The following ZNF618 variants were observed in gnomAD, a reference collection of about 807,000 sequenced individuals.
ZNF618 encodes neural precursor cell expressed, developmentally down-regulated 10.
Under a neutral mutation model 103.0 loss-of-function variants are expected in ZNF618, and 34 were observed. That is an observed-to-expected ratio of 0.33 (90% CI 0.25 to 0.44). The LOEUF (loss-of-function observed/expected upper bound fraction) is 0.44, where lower values mean the gene tolerates loss of function less well. Ranked by LOEUF, ZNF618 falls within the 20% of genes least tolerant of loss-of-function variation. ZNF618 has a pLI of 1.00. For missense variants in ZNF618, 1,059 were observed against 1,295.4 expected, an observed-to-expected ratio of 0.82 and a Z score of 2.80; for synonymous variants, 551 against 542.2, an observed-to-expected ratio of 1.02 and a Z score of -0.23.
At chr9:114,028,489 T>G (rs192970223) in intron 10 of ZNF618, 20 of 585,914 alleles carry the variant, frequency 3.4e-5, no homozygotes, top group African/African-American at 3.3e-4. Context: ...GGTCAAGGGT[T>G]ATGGGTGACC....
chr9:113,923,504 A>G (rs1385072806), intron 1 of ZNF618, among the ~76,000 whole-genome samples: 1 of 152,074 alleles, frequency 6.6e-6, no homozygotes, highest in Non-Finnish European at 1.5e-5. Flanking sequence ...ATTATGAATG[A>G]GTGTCAAATC....
In ZNF618 at chr9:114,049,037, T is replaced by C. The variant is rs1169100579; in HGVS notation, c.1735T>C (p.Tyr579His). The change falls in exon 15 of 15, where the codon TAT becomes CAT. Residue 579 changes from tyrosine (Y) to histidine (H), a missense_variant. Tyr to His is a moderately conservative substitution (Grantham distance 83). This residue lies in a region of ZNF618 where 272 missense variants were observed against 380.1 expected (regional missense o/e 0.72). Coordinates refer to ENST00000374126, the MANE Select transcript of ZNF618 (RefSeq NM_001318042.2). ...GGCCGAGGGCAACCACATCAAGAGC[T>C]ATGTGCTTGGTGTGAAGGGTGCGGA... ...YQAEGNHIKSYVLGVKGADIR... is the reference protein window; with the variant it reads ...YQAEGNHIKSHVLGVKGADIR... 6.2e-7 allele frequency: 1 copy of C among 1,613,708 alleles called. No individual in the cohort carries two copies. Among genetic ancestry groups the C allele is most frequent in the Non-Finnish European group, 8.5e-7 (1 of 1,179,718 alleles).
At chr9:114,006,364 G>A (rs1355156723) in intron 6 of ZNF618, among the ~76,000 whole-genome samples, 1 of 152,220 alleles carries the variant, frequency 6.6e-6, no homozygotes, top group African/African-American at 2.4e-5. Flanking sequence ...ACACCGGGCA[G>A]CCTTGAGCAT....
intron 1 of ZNF618, among the ~76,000 whole-genome samples, chr9:113,905,569 A>AGGTC (rs1219105557): frequency 6.6e-6 from 1 of 152,258 alleles, no homozygotes; most frequent in Non-Finnish European, 1.5e-5. Context: ...AAAAGCCTGT[A>AGGTC]GACCAGGAGT....
At chr9:113,937,199 C>T (rs368976392) in intron 1 of ZNF618, among the ~76,000 whole-genome samples, 4 of 152,280 alleles carry the variant, frequency 2.6e-5, no homozygotes, top group African/African-American at 9.6e-5. Flanking sequence ...CACCCACATT[C>T]CTCAAATGTT....
chr9:114,001,008 G>A (rs956609972), intron 4 of ZNF618, among the ~76,000 whole-genome samples: 4 of 135,036 alleles, frequency 3.0e-5, no homozygotes, highest in Non-Finnish European at 5.3e-5. Flanking sequence ...ATTTGTCCAC[G>A]CTCCCTGGCT....
chr9:113,952,387 A>AT (rs1302407351), intron 1 of ZNF618, among the ~76,000 whole-genome samples: 3 of 151,952 alleles, frequency 2.0e-5, no homozygotes, highest in Non-Finnish European at 2.9e-5. Flanking sequence ...AAAATGATTG[A>AT]TTTTTTTCCC....
In ZNF618 at chr9:114,033,678, C is replaced by T. The variant is rs4979330; in HGVS notation, c.1168+950C>T. Among the ~76,000 whole-genome samples, 1,278 of 152,182 alleles carry T rather than the reference C, an allele frequency of 8.4e-3. 53 individuals carry two copies. Among genetic ancestry groups the T allele is most frequent in the Admixed American group, 0.072 (1,097 of 15,298 alleles). ...TGGCTGGTCACCAGCAGCCTCTGTC[C>T]GAGCAGGGCACAGCAAGCTGTTCTG... On this transcript the variant is annotated intron_variant, in intron 12 of 14. Coordinates refer to ENST00000374126, the MANE Select transcript of ZNF618 (RefSeq NM_001318042.2).
At chr9:113,993,245 G>T (rs7036206) in intron 3 of ZNF618, among the ~76,000 whole-genome samples, 98,155 of 151,588 alleles carry the variant, frequency 0.65, 32,188 homozygotes, top group Middle Eastern at 0.76. Flanking sequence ...GCCTCCTGAG[G>T]ACTTCGCTCA....
In ZNF618 at chr9:114,054,558, T is replaced by G. The variant is rs1846343032; in HGVS notation, c.*4391T>G. On this transcript the variant is annotated 3_prime_UTR_variant, in exon 15 of 15. Coordinates refer to ENST00000374126, the MANE Select transcript of ZNF618 (RefSeq NM_001318042.2). ...TCCGGCTATCCCGTGGAGCCAGTAG[T>G]AGGTGGGAGCTCCTGTCCCCGCCAG... The G allele has an allele frequency of 1.3e-5, 2 of 152,764 alleles. No homozygotes were observed. The allele number at this position is 152,764 out of a possible 1,614,324, so 9.5% of individuals were successfully genotyped here.
intron 1 of ZNF618, among the ~76,000 whole-genome samples, chr9:113,892,974 A>G (rs1162224244): frequency 6.6e-6 from 1 of 152,240 alleles, no homozygotes; most frequent in African/African-American, 2.4e-5. Flanking sequence ...CACACTGTTT[A>G]TCACTTTAAA....
intron 1 of ZNF618, among the ~76,000 whole-genome samples, chr9:113,903,707 A>G (rs951875067): frequency 6.6e-6 from 1 of 152,084 alleles, no homozygotes; most frequent in African/African-American, 2.4e-5. Context: ...CGAGGTTGAC[A>G]GGGTTTTTTG....
chr9:113,983,500 A>G (rs559558514), intron 2 of ZNF618, among the ~76,000 whole-genome samples: 146 of 152,290 alleles, frequency 9.6e-4, no homozygotes, highest in African/African-American at 3.3e-3. Context: ...CGTGGGTGAT[A>G]GAGGGTGGCT....
chr9:114,033,723 G>A (rs1400114305), intron 12 of ZNF618, among the ~76,000 whole-genome samples: 1 of 152,236 alleles, frequency 6.6e-6, no homozygotes. Context: ...AGGCAGGGCA[G>A]GAGGGGAGAG....
intron 1 of ZNF618, among the ~76,000 whole-genome samples, chr9:113,893,454 CTAAA>C (rs1309538163): frequency 2.6e-5 from 4 of 152,080 alleles, no homozygotes; most frequent in Non-Finnish European, 5.9e-5. Flanking sequence ...AAAGATCATC[CTAAA>C]TAAATGTCAA....
intron 1 of ZNF618, among the ~76,000 whole-genome samples, chr9:113,910,706 C>T (rs1372387689): frequency 1.3e-5 from 2 of 152,232 alleles, no homozygotes; most frequent in Non-Finnish European, 1.5e-5. Flanking sequence ...CATCCTCTCT[C>T]CTGTCCTTCC....
intron 10 of ZNF618, among the ~76,000 whole-genome samples, chr9:114,026,557 G>T (rs1486407359): frequency 2.0e-5 from 3 of 152,200 alleles, no homozygotes; most frequent in Non-Finnish European, 4.4e-5. Context: ...TCCTGTGTGG[G>T]TCACTGCCAT....
Position 114,017,513 on chromosome 9 carries a change from G to A in ZNF618, c.844+729G>A, listed in dbSNP as rs185177404. 3.2e-3 allele frequency among the ~76,000 whole-genome samples: 484 copies of A among 152,258 alleles called. 2 individuals carry two copies. The highest frequency in any genetic ancestry group is 6.6e-3 in the African/African-American group (275 of 41,562). On this transcript the variant is annotated intron_variant, in intron 10 of 14. Coordinates refer to ENST00000374126, the MANE Select transcript of ZNF618 (RefSeq NM_001318042.2). ...GAGGGGTCTCCATCCTCAGATCCCCGAGTATATGAGCTAGGGGGCCCATCA... is the reference window on the plus strand; with the variant it reads ...GAGGGGTCTCCATCCTCAGATCCCCAAGTATATGAGCTAGGGGGCCCATCA...
At chr9:113,945,118 G>A (rs2132138982) in intron 1 of ZNF618, among the ~76,000 whole-genome samples, 1 of 152,164 alleles carries the variant, frequency 6.6e-6, no homozygotes, top group Admixed American at 6.5e-5. Context: ...ACTCTGTCCT[G>A]CCAGGCTGGC....
Sources: gnomAD v4.1 joint callset for allele counts (sites outside exome capture counted in the v4.1 genomes callset) on GRCh38, gnomAD v4.1.1 for gene constraint, gnomAD v4.1.1 regional missense constraint, MANE v1.5 for transcripts, NCBI Gene and HGNC (gene_info 2026-07-23, HGNC 2026-07-21) for gene names.